RARB: variants seen among roughly 807,000 people sequenced by gnomAD.
RARB encodes HBV-activated protein.
In RARB, 17 loss-of-function variants were observed where a neutral mutation model predicts 51.9. The observed-to-expected ratio is 0.33, with a 90% CI of 0.22 to 0.49. RARB has a LOEUF of 0.49. Ranked by LOEUF, RARB falls within the 20% of genes least tolerant of loss-of-function variation. RARB has a pLI of 0.99. For missense variants in RARB, 369 were observed against 550.8 expected (o/e 0.67, Z 3.30); for synonymous variants, 215 against 195.4 (o/e 1.10, Z -0.84).
chr3:25,571,255 A>T (rs901725332), intron 4 of RARB, among the ~76,000 whole-genome samples: 5 of 152,084 alleles, frequency 3.3e-5, no homozygotes, highest in African/African-American at 1.2e-4. Flanking sequence ...ACTTTTCAAA[A>T]CTCAGCGTGC....
At position 25,115,429 on chromosome 3, in the gene RARB, A is replaced by T. The variant is rs768663300; in HGVS notation, c.-327-16732A>T. 5.3e-4 allele frequency among the ~76,000 whole-genome samples: 80 copies of T among 152,280 alleles called. 1 individual carries two copies. The highest frequency in any genetic ancestry group is 5.8e-4 in the East Asian group (3 of 5,182). On this transcript the variant is annotated intron_variant, in intron 3 of 11. Coordinates refer to the RARB transcript ENST00000383772. Reference sequence around the variant, plus strand: ...AATTGGGTGAGTGTGTGGTGCATCTATATGTATTAATATAATACAAAAGAT... The same window carrying T: ...AATTGGGTGAGTGTGTGGTGCATCTTTATGTATTAATATAATACAAAAGAT...
intron 3 of RARB, among the ~76,000 whole-genome samples, chr3:25,503,118 C>G (rs1385689439): frequency 7.0e-6 from 1 of 143,630 alleles, no homozygotes; most frequent in Non-Finnish European, 1.5e-5. Flanking sequence ...CATCCAGTTC[C>G]TTTCCCTCTC....
intron 5 of RARB, among the ~76,000 whole-genome samples, chr3:25,205,667 A>G (rs1052583610): frequency 1.3e-5 from 2 of 152,192 alleles, no homozygotes; most frequent in African/African-American, 2.4e-5. Context: ...GCCCATATCA[A>G]AATTTCTCAT....
intron 5 of RARB, among the ~76,000 whole-genome samples, chr3:25,583,354 C>G (rs570025453): frequency 6.6e-6 from 1 of 152,320 alleles, no homozygotes; most frequent in Admixed American, 6.5e-5. Context: ...GATGGACAGA[C>G]AGACAGACCC....
chr3:24,910,061 C>T (rs890749606), intron 2 of RARB, among the ~76,000 whole-genome samples: 1 of 152,146 alleles, frequency 6.6e-6, no homozygotes, highest in African/African-American at 2.4e-5. Flanking sequence ...TTATTTAATT[C>T]TCATAGCAAC....
chr3:25,454,018 A>G (rs1395392697), intron 1 of RARB, among the ~76,000 whole-genome samples: 1 of 152,242 alleles, frequency 6.6e-6, no homozygotes, highest in Non-Finnish European at 1.5e-5. Flanking sequence ...ATGTGTGTGG[A>G]AACCGTTTCT....
chr3:25,209,565 C>T (rs1156852132), intron 5 of RARB, among the ~76,000 whole-genome samples: 2 of 152,296 alleles, frequency 1.3e-5, no homozygotes, highest in East Asian at 1.9e-4. Context: ...GAGGCAGACC[C>T]ATGGATACGT....
At chr3:25,143,398 C>T (rs568320506) in intron 4 of RARB, among the ~76,000 whole-genome samples, 3 of 152,300 alleles carry the variant, frequency 2.0e-5, no homozygotes, top group Admixed American at 2.0e-4. Context: ...TAGTACACAA[C>T]TTAGCCAAGC....
In RARB at chr3:24,881,340, A is replaced by G. The variant is rs558346592; in HGVS notation, c.-380+22588A>G. Among the ~76,000 whole-genome samples, 3 of 152,312 alleles carry G rather than the reference A, an allele frequency of 2.0e-5. No individual in the cohort carries two copies. The South Asian group carries it at 6.2e-4, about 32-fold the overall frequency. On this transcript the variant is annotated intron_variant, in intron 2 of 11. Transcript: ENST00000383772. ...TTCGTTTTTAAGAAAGTGAAGTCTG[A>G]GATCAAAATTTTTGATAACTGCTGA...
chr3:25,099,386 G>C (rs916932857), intron 3 of RARB, among the ~76,000 whole-genome samples: 2 of 151,970 alleles, frequency 1.3e-5, no homozygotes, highest in African/African-American at 4.8e-5. Context: ...GCTTTCAAAG[G>C]AAAAATATTA....
At chr3:25,204,980 A>T (rs1701499551) in intron 5 of RARB, among the ~76,000 whole-genome samples, 1 of 152,172 alleles carries the variant, frequency 6.6e-6, no homozygotes, top group Non-Finnish European at 1.5e-5. Context: ...AAGTCTGCAG[A>T]GGTTTCTGCT....
Position 25,292,227 on chromosome 3 carries a change from C to T in RARB, c.178+117652C>T, listed in dbSNP as rs771488939. On this transcript the variant is annotated intron_variant, in intron 5 of 11. Transcript: ENST00000383772. ...CTGTTCTTCACTGCTGGCGATGCAG[C>T]GAGTTTAGGGCCATTGGATGGTGAG... Among the ~76,000 whole-genome samples, 8 of 152,226 alleles carry T rather than the reference C, an allele frequency of 5.3e-5. No individual in the cohort carries two copies. In the East Asian group the frequency reaches 7.7e-4, roughly 15 times the overall value.
At chr3:25,272,173 A>G (rs1183925662) in intron 5 of RARB, among the ~76,000 whole-genome samples, 1 of 152,220 alleles carries the variant, frequency 6.6e-6, no homozygotes, top group Admixed American at 6.5e-5. Context: ...ACAGTGTTAC[A>G]CCTTTAAAAA....
intron 2 of RARB, among the ~76,000 whole-genome samples, chr3:24,940,242 A>T (rs1695632759): frequency 6.6e-6 from 1 of 152,068 alleles, no homozygotes; most frequent in Admixed American, 6.6e-5. Flanking sequence ...TAACAATTTC[A>T]TACTGAATAG....
At chr3:25,258,980 G>A (rs1476751201) in intron 5 of RARB, 1 of 966,772 alleles carries the variant, frequency 1.0e-6, no homozygotes. Context: ...CTCAGCCTGA[G>A]TTTTGCTGGG....
At chr3:25,282,156 G>A (rs1288987206) in intron 5 of RARB, among the ~76,000 whole-genome samples, 3 of 152,178 alleles carry the variant, frequency 2.0e-5, no homozygotes, top group Non-Finnish European at 2.9e-5. Flanking sequence ...GGAATTAGGT[G>A]CCAGATATGG....
chr3:25,055,568 G>A (rs1698419141), intron 2 of RARB, among the ~76,000 whole-genome samples: 1 of 152,054 alleles, frequency 6.6e-6, no homozygotes, highest in Non-Finnish European at 1.5e-5. Context: ...TTACAAATTT[G>A]GGAAACTAGC....
At chr3:25,027,737 T>G (rs1034029973) in intron 2 of RARB, among the ~76,000 whole-genome samples, 1 of 152,204 alleles carries the variant, frequency 6.6e-6, no homozygotes, top group Non-Finnish European at 1.5e-5. Context: ...AGTAACCTAT[T>G]TCAATGTGCA....
At chr3:25,346,876 G>A (rs955819396) in intron 5 of RARB, among the ~76,000 whole-genome samples, 1 of 152,216 alleles carries the variant, frequency 6.6e-6, no homozygotes, top group Non-Finnish European at 1.5e-5. Context: ...GCCCCCAAAA[G>A]GAGGCTCTGG....
Sources: gnomAD v4.1 joint callset for allele counts (sites outside exome capture counted in the v4.1 genomes callset) on GRCh38, gnomAD v4.1.1 for gene constraint, MANE v1.5 for transcripts, NCBI Gene and HGNC (gene_info 2026-07-23, HGNC 2026-07-21) for gene names.